The following TOPBP1 variants were observed in gnomAD, a reference collection of about 807,000 sequenced individuals.
TOPBP1 encodes the protein DNA topoisomerase 2-binding protein 1.
A neutral mutation model predicts 167.7 loss-of-function variants in TOPBP1; 28 were observed. That is an observed-to-expected ratio of 0.17 (90% CI 0.12 to 0.23). The LOEUF is 0.23. Among genes scored for constraint, TOPBP1 ranks in the 10% least tolerant of loss-of-function variants. The pLI is 1.00. For synonymous variants in TOPBP1, 598 were observed against 611.4 expected, an observed-to-expected ratio of 0.98 and a Z score of 0.32; for missense variants, 1,554 against 1,809.6, an observed-to-expected ratio of 0.86 and a Z score of 2.56.
At position 133,608,519 on chromosome 3, in the gene TOPBP1, A is replaced by G. The variant is rs773780824; in HGVS notation, c.4425+16T>C. On this transcript the variant is annotated intron_variant, in intron 27 of 27. Coordinates refer to ENST00000260810, the MANE Select transcript of TOPBP1 (RefSeq NM_007027.4). ...ATCTCTGGTAATGAGGAGGTCAAGGATAGAATCTCACAAACCTGCATGAGA... is the reference window on the plus strand; with the variant it reads ...ATCTCTGGTAATGAGGAGGTCAAGGGTAGAATCTCACAAACCTGCATGAGA... 6.2e-7 allele frequency: 1 copy of G among 1,612,786 alleles called. No individual in the cohort carries two copies. Among genetic ancestry groups the G allele is most frequent in the South Asian group, 1.1e-5 (1 of 90,922 alleles).
chr3:133,629,761 A>G (rs1049041769), intron 14 of TOPBP1, among the ~76,000 whole-genome samples: 11 of 151,936 alleles, frequency 7.2e-5, no homozygotes, highest in Non-Finnish European at 1.5e-4. Flanking sequence ...ATGAGGTTAA[A>G]TATCTTTATA....
chr3:133,630,742 C>A (rs1385062153), intron 14 of TOPBP1, among the ~76,000 whole-genome samples: 1 of 152,182 alleles, frequency 6.6e-6, no homozygotes, highest in East Asian at 1.9e-4. Flanking sequence ...TGTGCCATCA[C>A]ACCCAGTTAG....
intron 23 of TOPBP1, among the ~76,000 whole-genome samples, chr3:133,615,867 A>G (rs1934853979): frequency 6.6e-6 from 1 of 152,138 alleles, no homozygotes; most frequent in African/African-American, 2.4e-5. Context: ...TCAGCCCCCC[A>G]AAGTCTGGGA....
chr3:133,639,758 G>T (rs1378059457), intron 13 of TOPBP1, among the ~76,000 whole-genome samples: 1 of 152,042 alleles, frequency 6.6e-6, no homozygotes, highest in African/African-American at 2.4e-5. Flanking sequence ...TATATAGTGT[G>T]TTACTATGAG....
chr3:133,602,892 ATTTTTTTT>A (rs11458236), intron 27 of TOPBP1, among the ~76,000 whole-genome samples: 1 of 121,458 alleles, frequency 8.2e-6, no homozygotes, highest in Admixed American at 8.5e-5. Context: ...ACCTTTTTTC[ATTTTTTTT>A]TTTTTTTTTT....
intron 19 of TOPBP1, 83 bp from the exon 20 acceptor site, chr3:133,620,430 G>A: frequency 7.2e-7 from 1 of 1,382,658 alleles, no homozygotes; most frequent in Non-Finnish European, 9.8e-7. Flanking sequence ...TTTAGACCTG[G>A]TTGAACACAA....
rs368621535 is a variant in TOPBP1, at chr3:133,647,322, A to G, written c.1504+2061T>C. Among the ~76,000 whole-genome samples, 69 of 152,332 alleles carry G rather than the reference A, an allele frequency of 4.5e-4. 1 individual carries two copies. The highest frequency in any genetic ancestry group is 3.4e-3 in the Middle Eastern group (1 of 294). ...CCAGCCAATACACCAACTTAAAGGC[A>G]TATTGAGTTTGTAAACTCCTAGGCA... On this transcript the variant is annotated intron_variant, in intron 10 of 27. Transcript: ENST00000260810.
At chr3:133,646,104 G>A (rs1936065193) in intron 10 of TOPBP1, among the ~76,000 whole-genome samples, 1 of 151,324 alleles carries the variant, frequency 6.6e-6, no homozygotes, top group African/African-American at 2.4e-5. Flanking sequence ...CCAAGACCAC[G>A]CCACTGCACT....
intron 20 of TOPBP1, among the ~76,000 whole-genome samples, chr3:133,619,120 A>C (rs537980110): frequency 4.1e-5 from 6 of 145,306 alleles, no homozygotes; most frequent in Admixed American, 2.1e-4. Context: ...GCAAAAAAAA[A>C]AAAAACAAAA....
Position 133,606,013 on chromosome 3 carries a change from C to T in TOPBP1, c.4425+2522G>A, listed in dbSNP as rs571841625. 3.0e-4 allele frequency among the ~76,000 whole-genome samples: 45 copies of T among 152,046 alleles called. 1 individual carries two copies. Among genetic ancestry groups the T allele is most frequent in the Middle Eastern group, 3.4e-3 (1 of 294 alleles). On this transcript the variant is annotated intron_variant, in intron 27 of 27. Transcript: ENST00000260810. Reference sequence around the variant, plus strand: ...CCTGGGCAACCTGGTGAAACCCTATCTCTACCCCTTCCCCTTGCCAAAAAA... The same window carrying T: ...CCTGGGCAACCTGGTGAAACCCTATTTCTACCCCTTCCCCTTGCCAAAAAA...
intron 21 of TOPBP1, chr3:133,617,568 T>C (rs952648869): frequency 3.0e-6 from 1 of 328,390 alleles, no homozygotes. Context: ...GCAAGTGTGT[T>C]ATCTGTGGGC....
chr3:133,610,060 T>C (rs990634448), intron 25 of TOPBP1, among the ~76,000 whole-genome samples: 3 of 152,234 alleles, frequency 2.0e-5, no homozygotes, highest in African/African-American at 7.2e-5. Flanking sequence ...AGATGTGCTT[T>C]ATATTAAAGT....
intron 23 of TOPBP1, among the ~76,000 whole-genome samples, chr3:133,616,374 A>G (rs1340267697): frequency 6.6e-6 from 1 of 152,034 alleles, no homozygotes; most frequent in Non-Finnish European, 1.5e-5. Context: ...CGCCCACCTC[A>G]GCCTCCCAAA....
chr3:133,601,963 T>C (rs1370084512), intron 27 of TOPBP1, among the ~76,000 whole-genome samples: 1 of 152,176 alleles, frequency 6.6e-6, no homozygotes, highest in Non-Finnish European at 1.5e-5. Flanking sequence ...CCAAAATATA[T>C]TAAAAGCAAC....
In TOPBP1 at chr3:133,602,234, C is replaced by CCAG. The variant is rs1296364383; in HGVS notation, c.4426-844_4426-842dup. ...GATTTCTCAACAGAAACAATGGAGG[C>CCAG]CAGCAGACAGTGAAGTCTTTAATAG... On this transcript the variant is annotated intron_variant, in intron 27 of 27. Transcript: ENST00000260810. Among the ~76,000 whole-genome samples the CCAG allele has an allele frequency of 4.6e-5, 7 of 152,194 alleles. No individual in the cohort carries two copies. In the East Asian group the frequency reaches 1.4e-3, roughly 29 times the overall value.
At chr3:133,611,684 C>T (rs17373504) in intron 24 of TOPBP1, among the ~76,000 whole-genome samples, 21,356 of 152,212 alleles carry the variant, frequency 0.14, 1,848 homozygotes, top group Non-Finnish European at 0.2. Context: ...ATTGAAAAAG[C>T]TGGTATACTC....
At chr3:133,648,536 G>A (rs773016538) in intron 10 of TOPBP1, among the ~76,000 whole-genome samples, 3 of 152,194 alleles carry the variant, frequency 2.0e-5, no homozygotes, top group Admixed American at 6.5e-5. Context: ...AGTGGCTCAC[G>A]CCCGTAATCC....
intron 16 of TOPBP1, among the ~76,000 whole-genome samples, chr3:133,626,110 T>C (rs1050630733): frequency 2.6e-5 from 4 of 152,224 alleles, no homozygotes. Flanking sequence ...ATTTTAGACT[T>C]TGCAGGCCAA....
At chr3:133,626,459 G>C (rs1182549272) in intron 16 of TOPBP1, among the ~76,000 whole-genome samples, 1 of 152,132 alleles carries the variant, frequency 6.6e-6, no homozygotes, top group East Asian at 1.9e-4. Flanking sequence ...CTAATGTCCC[G>C]ACAAATTCAC....
Sources: allele counts gnomAD v4.1 joint callset (sites outside exome capture counted in the v4.1 genomes callset), GRCh38; gene constraint gnomAD v4.1.1; transcripts MANE v1.5; gene names NCBI Gene and HGNC (gene_info 2026-07-23, HGNC 2026-07-21).